SMIM36: variants seen among roughly 807,000 people sequenced by gnomAD.
The protein encoded by SMIM36 is small integral membrane protein 36.
At chr17:55,449,880 A>G (rs1908875096) in exon 5 of SMIM36, 1 of 152,216 alleles carries the variant, frequency 6.6e-6, no homozygotes, top group Non-Finnish European at 1.5e-5. Flanking sequence ...ATGCGGGTTT[A>G]TTTGGGTTGG....
At chr17:55,530,585 A>C in the SMIM36 span, among the ~76,000 whole-genome samples, 7 of 152,110 alleles carry the variant, frequency 4.6e-5, no homozygotes, top group Non-Finnish European at 7.4e-5. Flanking sequence ...GAGTTTGAGA[A>C]CAGCCTGGCC....
At chr17:55,486,442 T>C (rs973169982) in intron 1 of SMIM36, among the ~76,000 whole-genome samples, 1 of 152,218 alleles carries the variant, frequency 6.6e-6, no homozygotes, top group Non-Finnish European at 1.5e-5. Flanking sequence ...TACCTCCATC[T>C]GCATCTCTCC....
chr17:55,487,479 G>A (rs1019961784), intron 1 of SMIM36, among the ~76,000 whole-genome samples: 2 of 152,186 alleles, frequency 1.3e-5, no homozygotes, highest in Non-Finnish European at 2.9e-5. Flanking sequence ...CACTGAGAAG[G>A]AGGCACATCG....
intron 1 of SMIM36, among the ~76,000 whole-genome samples, chr17:55,501,251 T>C (rs1380391785): frequency 1.6e-5 from 1 of 61,450 alleles, no homozygotes; most frequent in African/African-American, 4.8e-5. Context: ...TATAGTATTA[T>C]ATTTTATATT....
exon 1 of SMIM36, chr17:55,510,944 T>C (rs996108102): frequency 5.0e-6 from 2 of 396,710 alleles, no homozygotes; most frequent in African/African-American, 2.1e-5. Flanking sequence ...GAGCTCTCAC[T>C]TCCTTCATCA....
At chr17:55,464,902 A>G (rs1598448226) in intron 4 of SMIM36, among the ~76,000 whole-genome samples, 1 of 152,188 alleles carries the variant, frequency 6.6e-6, no homozygotes, top group Non-Finnish European at 1.5e-5. Context: ...TCTTTAGTCC[A>G]TAGTTCTTGG....
At chr17:55,460,844 T>A (rs541390410) in intron 4 of SMIM36, among the ~76,000 whole-genome samples, 1 of 151,996 alleles carries the variant, frequency 6.6e-6, no homozygotes, top group South Asian at 2.1e-4. Context: ...GGTGACAGAG[T>A]GAGACCCTGT....
At chr17:55,477,782 G>A (rs918225676) in intron 3 of SMIM36, among the ~76,000 whole-genome samples, 13 of 151,634 alleles carry the variant, frequency 8.6e-5, no homozygotes, top group African/African-American at 3.2e-4. Context: ...TTGCTATGAG[G>A]ATAAAAAGGG....
intron 1 of SMIM36, among the ~76,000 whole-genome samples, chr17:55,507,607 T>C (rs1447665251): frequency 1.1e-3 from 143 of 127,590 alleles, no homozygotes; most frequent in African/African-American, 4.0e-3. Flanking sequence ...AGGGATAGCA[T>C]TGGGAGATAT....
At chr17:55,517,464 G>A in the SMIM36 span, among the ~76,000 whole-genome samples, 1 of 152,234 alleles carries the variant, frequency 6.6e-6, no homozygotes, top group African/African-American at 2.4e-5. Context: ...TTGGGAGGCT[G>A]AGGCAGGAGA....
At chr17:55,467,370 G>GAACCTCAA (rs1266045303) in intron 3 of SMIM36, 42 bp from the exon 4 acceptor site, 1 of 152,072 alleles carries the variant, frequency 6.6e-6, no homozygotes, top group Non-Finnish European at 1.5e-5. Context: ...AAGCGTGTTG[G>GAACCTCAA]AGCCTTATAT....
chr17:55,463,151 T>C (rs1215622481), intron 4 of SMIM36, among the ~76,000 whole-genome samples: 1 of 152,190 alleles, frequency 6.6e-6, no homozygotes, highest in Non-Finnish European at 1.5e-5. Context: ...GTGGATACCT[T>C]AAACTTTATG....
chr17:55,491,710 G>A (rs1909708972), intron 1 of SMIM36, among the ~76,000 whole-genome samples: 1 of 152,168 alleles, frequency 6.6e-6, no homozygotes. Context: ...CAGACGTAAA[G>A]TTTGGAACTG....
chr17:55,456,445 C>T (rs927276326), intron 4 of SMIM36, among the ~76,000 whole-genome samples: 1 of 152,086 alleles, frequency 6.6e-6, no homozygotes, highest in Non-Finnish European at 1.5e-5. Context: ...TTTATCATTC[C>T]ATCTTTTTTC....
intron 1 of SMIM36, among the ~76,000 whole-genome samples, chr17:55,497,876 A>G (rs537845991): frequency 6.6e-6 from 1 of 152,210 alleles, no homozygotes; most frequent in Non-Finnish European, 1.5e-5. Context: ...GAGCTTTGAC[A>G]TGTTAAACAA....
chr17:55,502,001 T>C (rs1262734316), intron 1 of SMIM36, among the ~76,000 whole-genome samples: 86 of 150,130 alleles, frequency 5.7e-4, no homozygotes, highest in Non-Finnish European at 8.5e-4. Flanking sequence ...CACCCGAATA[T>C]TGCGCTTTTC....
intron 1 of SMIM36, among the ~76,000 whole-genome samples, chr17:55,508,392 C>A (rs1442461848): frequency 7.2e-6 from 1 of 138,322 alleles, no homozygotes; most frequent in African/African-American, 2.8e-5. Flanking sequence ...CTATATATTC[C>A]CGTAAAATAT....
intron 3 of SMIM36, among the ~76,000 whole-genome samples, chr17:55,477,585 G>A (rs1456590914): frequency 2.6e-5 from 4 of 152,030 alleles, no homozygotes; most frequent in Non-Finnish European, 4.4e-5. Flanking sequence ...TGTGTACTGG[G>A]GATTAGGACC....
At chr17:55,492,958 G>A (rs1213561881) in intron 1 of SMIM36, among the ~76,000 whole-genome samples, 1 of 152,204 alleles carries the variant, frequency 6.6e-6, no homozygotes, top group Non-Finnish European at 1.5e-5. Flanking sequence ...TCTAAAGAGT[G>A]CAGAACAGAC....
Sources: gnomAD v4.1 joint callset for allele counts (sites outside exome capture counted in the v4.1 genomes callset) on GRCh38, gnomAD v4.1.1 for gene constraint, MANE v1.5 for transcripts, NCBI Gene and HGNC (gene_info 2026-07-23, HGNC 2026-07-21) for gene names.